MEMO1: variants seen among roughly 807,000 people sequenced by gnomAD.
MEMO1 encodes the protein protein MEMO1.
A neutral mutation model predicts 45.2 loss-of-function variants in MEMO1; 6 were observed. The observed-to-expected ratio is 0.13, with a 90% CI of 0.07 to 0.26. The LOEUF (loss-of-function observed/expected upper bound fraction) is 0.26. MEMO1 is among the 10% of genes least tolerant of loss of function. The pLI, the probability that MEMO1 is intolerant of heterozygous loss-of-function variation, is 1.00. For missense variants in MEMO1, 184 were observed against 370.5 expected (o/e 0.50, Z 4.13); for synonymous variants, 78 against 124.3 (o/e 0.63, Z 2.48).
intron 8 of MEMO1, among the ~76,000 whole-genome samples, chr2:31,878,278 T>C (rs1418256340): frequency 1.3e-5 from 2 of 152,158 alleles, no homozygotes; most frequent in Non-Finnish European, 2.9e-5. Flanking sequence ...CTGCAAATCA[T>C]GTTGGTCCTT....
At chr2:31,885,131 T>C (rs552764164) in intron 7 of MEMO1, among the ~76,000 whole-genome samples, 6 of 152,262 alleles carry the variant, frequency 3.9e-5, no homozygotes, top group South Asian at 2.1e-4. Flanking sequence ...CTTTTTTTCT[T>C]TTTTTTAAGA....
chr2:31,899,094 A>G (rs546519753), intron 6 of MEMO1, among the ~76,000 whole-genome samples: 1 of 152,314 alleles, frequency 6.6e-6, no homozygotes, highest in Admixed American at 6.5e-5. Context: ...TAATATAGTG[A>G]AAACAGCCCA....
At chr2:31,883,819 T>C (rs1675761811) in intron 7 of MEMO1, among the ~76,000 whole-genome samples, 1 of 152,034 alleles carries the variant, frequency 6.6e-6, no homozygotes, top group African/African-American at 2.4e-5. Flanking sequence ...TTAAGAATAT[T>C]TGGTTTAAGA....
intron 6 of MEMO1, among the ~76,000 whole-genome samples, chr2:31,909,527 CA>C (rs1282211255): frequency 6.6e-6 from 1 of 151,888 alleles, no homozygotes; most frequent in Non-Finnish European, 1.5e-5. Flanking sequence ...AAAAACAAAA[CA>C]AAATACCTAG....
chr2:32,000,218 T>A (rs1673110940), intron 2 of MEMO1, among the ~76,000 whole-genome samples: 1 of 150,004 alleles, frequency 6.7e-6, no homozygotes, highest in South Asian at 2.1e-4. Context: ...CTCAGTGAAG[T>A]CTTCCTTTTT....
intron 2 of MEMO1, among the ~76,000 whole-genome samples, chr2:31,965,946 A>G (rs1260201198): frequency 1.3e-5 from 2 of 152,202 alleles, no homozygotes; most frequent in African/African-American, 4.8e-5. Context: ...CACATCCTAC[A>G]CATGTACCTT....
chr2:31,937,596 A>G (rs1444419826), intron 3 of MEMO1, among the ~76,000 whole-genome samples: 1 of 152,208 alleles, frequency 6.6e-6, no homozygotes, highest in African/African-American at 2.4e-5. Flanking sequence ...TTTTTAAACT[A>G]ATTTTTATAT....
At chr2:31,884,840 G>A (rs923295786) in intron 7 of MEMO1, among the ~76,000 whole-genome samples, 1 of 151,772 alleles carries the variant, frequency 6.6e-6, no homozygotes, top group African/African-American at 2.4e-5. Flanking sequence ...CCTAGAATTG[G>A]GCAACAGGGA....
At chr2:31,950,629 G>C (rs1219905389) in intron 2 of MEMO1, among the ~76,000 whole-genome samples, 1 of 151,242 alleles carries the variant, frequency 6.6e-6, no homozygotes, top group Admixed American at 6.6e-5. Flanking sequence ...GCTGAGGCAC[G>C]AGAATCGCTT....
intron 2 of MEMO1, among the ~76,000 whole-genome samples, chr2:31,952,538 T>G (rs1666956734): frequency 6.6e-6 from 1 of 152,148 alleles, no homozygotes; most frequent in African/African-American, 2.4e-5. Flanking sequence ...TGAAAATGGG[T>G]TTAGCACTGA....
At chr2:31,877,964 C>T (rs1674797292) in intron 8 of MEMO1, among the ~76,000 whole-genome samples, 1 of 152,146 alleles carries the variant, frequency 6.6e-6, no homozygotes, top group Admixed American at 6.5e-5. Flanking sequence ...ACTTTGTATA[C>T]ATCGGAGAAC....
intron 6 of MEMO1, among the ~76,000 whole-genome samples, chr2:31,909,836 G>C (rs1429375224): frequency 6.6e-6 from 1 of 152,040 alleles, no homozygotes; most frequent in Non-Finnish European, 1.5e-5. Flanking sequence ...TAATTACTGA[G>C]AAGTTTCCAA....
chr2:31,986,471 CA>C (rs921075412), intron 2 of MEMO1, among the ~76,000 whole-genome samples: 13 of 150,116 alleles, frequency 8.7e-5, no homozygotes, highest in African/African-American at 3.2e-4. Flanking sequence ...GACACTGTCT[CA>C]AAAAAAAATA....
intron 2 of MEMO1, among the ~76,000 whole-genome samples, chr2:31,951,851 A>T (rs911798610): frequency 6.6e-6 from 1 of 152,204 alleles, no homozygotes; most frequent in Non-Finnish European, 1.5e-5. Context: ...TTAAAAACAA[A>T]TAACATTTCA....
intron 9 of MEMO1, among the ~76,000 whole-genome samples, chr2:31,868,750 A>C (rs1673226586): frequency 6.6e-6 from 1 of 152,126 alleles, no homozygotes; most frequent in Non-Finnish European, 1.5e-5. Context: ...CCCTGTAATA[A>C]GGCCATTTTT....
intron 2 of MEMO1, among the ~76,000 whole-genome samples, chr2:31,993,555 A>T (rs1056159632): frequency 8.5e-5 from 13 of 152,208 alleles, no homozygotes; most frequent in Non-Finnish European, 7.3e-5. Flanking sequence ...TCCGGATCAG[A>T]ATTCTGGAGA....
At chr2:31,898,381 C>T (rs1185580726) in intron 6 of MEMO1, among the ~76,000 whole-genome samples, 1 of 152,154 alleles carries the variant, frequency 6.6e-6, no homozygotes, top group Non-Finnish European at 1.5e-5. Context: ...CTAAACACTA[C>T]TTTAGCTGTG....
At chr2:31,949,946 T>G (rs1045241089) in intron 2 of MEMO1, among the ~76,000 whole-genome samples, 7 of 152,222 alleles carry the variant, frequency 4.6e-5, no homozygotes, top group African/African-American at 1.4e-4. Context: ...ATTAAAAAGA[T>G]ACCATCAATA....
At position 31,936,172 on chromosome 2, in the gene MEMO1, C is replaced by G. The variant is rs139330347; in HGVS notation, c.144-4037G>C. ...AGAGACGGGGTTTCACCATATGGGC[C>G]AGGTTGGTCTTGAACTCCTGACCTT... is the stretch of plus-strand genomic sequence containing the variant. On this transcript the variant is annotated intron_variant, in intron 3 of 9. Transcript: ENST00000404530. Among the ~76,000 whole-genome samples the G allele has an allele frequency of 8.8e-3, 1,333 of 152,104 alleles. 20 individuals are homozygous for G. The highest frequency in any genetic ancestry group is 0.031 in the African/African-American group (1,282 of 41,486).
Sources: allele counts gnomAD v4.1 joint callset (sites outside exome capture counted in the v4.1 genomes callset), GRCh38; gene constraint gnomAD v4.1.1; transcripts MANE v1.5; gene names NCBI Gene and HGNC (gene_info 2026-07-23, HGNC 2026-07-21).